The following CCDC102B variants were observed in gnomAD, a reference collection of about 807,000 sequenced individuals.
CCDC102B encodes the protein coiled-coil domain containing 102B, also known as coiled-coil domain-containing protein 102B.
A neutral mutation model predicts 57.4 loss-of-function variants in CCDC102B; 75 were observed. The ratio of observed to expected loss-of-function variants is 1.31; its 90% confidence interval spans 1.08 to 1.58. CCDC102B has a LOEUF of 1.58. Among genes scored for constraint, CCDC102B ranks in the 40% most tolerant of loss-of-function variants. The pLI is 0.00. For synonymous variants in CCDC102B, 206 were observed against 201.9 expected (o/e 1.02, Z -0.17); for missense variants, 636 against 582.6 (o/e 1.09, Z -0.94).
intron 2 of CCDC102B, among the ~76,000 whole-genome samples, chr18:68,728,936 A>ATT (rs147689567): frequency 3.4e-4 from 52 of 151,550 alleles, no homozygotes; most frequent in African/African-American, 1.2e-3. Flanking sequence ...CCATATATTG[A>ATT]TTTTTTTTTA....
At chr18:68,884,951 C>T (rs929670427) in intron 5 of CCDC102B, among the ~76,000 whole-genome samples, 1 of 151,670 alleles carries the variant, frequency 6.6e-6, no homozygotes, top group Non-Finnish European at 1.5e-5. Flanking sequence ...AGTAGCCTTG[C>T]CACTGTCTAT....
chr18:68,911,555 A>G (rs918884651), intron 6 of CCDC102B, among the ~76,000 whole-genome samples: 5 of 150,138 alleles, frequency 3.3e-5, no homozygotes, highest in African/African-American at 9.9e-5. Flanking sequence ...GATCGAGACC[A>G]TCCTGGCTAA....
intron 7 of CCDC102B, among the ~76,000 whole-genome samples, chr18:69,053,122 G>A (rs2052748651): frequency 6.6e-6 from 1 of 151,760 alleles, no homozygotes; most frequent in Non-Finnish European, 1.5e-5. Flanking sequence ...CTCATGGAAA[G>A]GAGGGTAGGT....
intron 6 of CCDC102B, among the ~76,000 whole-genome samples, chr18:69,000,292 G>A (rs997774357): frequency 6.6e-6 from 1 of 152,062 alleles, no homozygotes; most frequent in Non-Finnish European, 1.5e-5. Context: ...TGAGATGGGT[G>A]TTATTATTTT....
Position 68,831,971 on chromosome 18 carries a change from T to A in CCDC102B, c.-15-4778T>A, listed in dbSNP as rs531067. On this transcript the variant is annotated intron_variant, in intron 1 of 7. Transcript: ENST00000360242. ...ATATTAAAAACAGATTCTTTTTTCT[T>A]TTTATCAGAGTATATGTCATCGTAT... is the stretch of plus-strand genomic sequence containing the variant. Among the ~76,000 whole-genome samples, 485 of 152,302 alleles carry A rather than the reference T, an allele frequency of 3.2e-3. 1 individual carries two copies. The highest frequency in any genetic ancestry group is 0.011 in the African/African-American group (457 of 41,586).
At chr18:69,029,807 C>A (rs546795630) in intron 7 of CCDC102B, among the ~76,000 whole-genome samples, 61 of 152,232 alleles carry the variant, frequency 4.0e-4, no homozygotes, top group African/African-American at 1.4e-3. Flanking sequence ...AAGAAGGAAG[C>A]AAAGAAATAT....
At chr18:68,903,376 T>C (rs1430727811) in intron 6 of CCDC102B, among the ~76,000 whole-genome samples, 2 of 152,194 alleles carry the variant, frequency 1.3e-5, no homozygotes, top group African/African-American at 4.8e-5. Context: ...AAGTGGGGTC[T>C]GTGCTCACTA....
chr18:68,894,284 C>T (rs2040171471), intron 5 of CCDC102B, among the ~76,000 whole-genome samples: 1 of 151,942 alleles, frequency 6.6e-6, no homozygotes, highest in Non-Finnish European at 1.5e-5. Context: ...AAATTGATGT[C>T]ATTAAGTGAA....
intron 2 of CCDC102B, among the ~76,000 whole-genome samples, chr18:68,762,562 G>T (rs12604145): frequency 0.063 from 9,581 of 152,050 alleles, 567 homozygotes; most frequent in African/African-American, 0.15. Context: ...AAGCTCAAGA[G>T]TAAGAGTAGT....
intron 2 of CCDC102B, among the ~76,000 whole-genome samples, chr18:68,735,195 G>C (rs1404946981): frequency 4.7e-5 from 7 of 150,232 alleles, no homozygotes; most frequent in Non-Finnish European, 1.0e-4. Flanking sequence ...GAGACTACAG[G>C]CGTGCGCCAC....
At chr18:68,760,657 C>G (rs17079657) in intron 2 of CCDC102B, among the ~76,000 whole-genome samples, 1 of 151,920 alleles carries the variant, frequency 6.6e-6, no homozygotes, top group Non-Finnish European at 1.5e-5. Context: ...AAAGCAAATG[C>G]GTGGTGCTAT....
intron 1 of CCDC102B, among the ~76,000 whole-genome samples, chr18:68,833,514 T>C (rs561077537): frequency 4.6e-5 from 7 of 152,184 alleles, no homozygotes; most frequent in South Asian, 2.1e-4. Flanking sequence ...GAAAAATGTA[T>C]GCTTTGCCTG....
At chr18:68,719,629 C>T (rs1248531772) in intron 2 of CCDC102B, among the ~76,000 whole-genome samples, 1 of 152,140 alleles carries the variant, frequency 6.6e-6, no homozygotes, top group Non-Finnish European at 1.5e-5. Context: ...TTGGGGAGGC[C>T]ATCTACATTA....
At chr18:68,780,803 G>A (rs948801571) in intron 2 of CCDC102B, among the ~76,000 whole-genome samples, 5 of 152,008 alleles carry the variant, frequency 3.3e-5, no homozygotes, top group Admixed American at 1.3e-4. Context: ...AGGCAGTCTC[G>A]TCACAAGTCT....
chr18:68,788,523 T>C (rs2144652896), intron 2 of CCDC102B, among the ~76,000 whole-genome samples: 1 of 151,444 alleles, frequency 6.6e-6, no homozygotes, highest in East Asian at 1.9e-4. Flanking sequence ...CTGTATTGGG[T>C]GCATATATAT....
Position 68,987,788 on chromosome 18 carries a change from T to A in CCDC102B, c.1264-23146T>A, listed in dbSNP as rs968176962. On this transcript the variant is annotated intron_variant, in intron 6 of 7. Coordinates refer to ENST00000360242, the MANE Select transcript of CCDC102B (RefSeq NM_024781.3). ...GCAAACAAATGGCCAAAAAAAACCA[T>A]GAAAAAAATGCTCCTAATCACTAAT... Among the ~76,000 whole-genome samples the A allele has an allele frequency of 2.7e-4, 41 of 151,122 alleles. 1 individual carries two copies. Among genetic ancestry groups the A allele is most frequent in the Non-Finnish European group, 1.0e-4 (7 of 67,788 alleles).
chr18:68,733,418 A>G (rs1245135691), intron 2 of CCDC102B, among the ~76,000 whole-genome samples: 1 of 150,440 alleles, frequency 6.6e-6, no homozygotes, highest in African/African-American at 2.4e-5. Context: ...GGATGAGAAG[A>G]TATTTTAATA....
chr18:68,861,756 G>C (rs2144883872), intron 4 of CCDC102B, among the ~76,000 whole-genome samples: 1 of 152,242 alleles, frequency 6.6e-6, no homozygotes, highest in African/African-American at 2.4e-5. Flanking sequence ...TGGGCCCCCA[G>C]GGTTCTCTCT....
intron 6 of CCDC102B, among the ~76,000 whole-genome samples, chr18:68,953,711 A>T (rs2049766026): frequency 6.6e-6 from 1 of 152,164 alleles, no homozygotes; most frequent in Non-Finnish European, 1.5e-5. Context: ...CCACAATAAA[A>T]TATAATAAAA....
Sources: gnomAD v4.1 joint callset for allele counts (sites outside exome capture counted in the v4.1 genomes callset) on GRCh38, gnomAD v4.1.1 for gene constraint, MANE v1.5 for transcripts, NCBI Gene and HGNC (gene_info 2026-07-23, HGNC 2026-07-21) for gene names.